CUX1: variants seen among roughly 807,000 people sequenced by gnomAD.
CUX1 encodes protein CASP.
Under a neutral mutation model 158.8 loss-of-function variants are expected in CUX1, and 31 were observed. The ratio of observed to expected loss-of-function variants is 0.20; its 90% CI spans 0.15 to 0.26. The LOEUF (loss-of-function observed/expected upper bound fraction) is 0.26, where lower values mean the gene tolerates loss of function less well. Ranked by LOEUF, CUX1 falls within the 10% of genes least tolerant of loss-of-function variation. The pLI, the probability that CUX1 is intolerant of heterozygous loss-of-function variation, is 1.00. For missense variants in CUX1, 1,589 were observed against 2,014.6 expected (o/e 0.79, Z 4.04); for synonymous variants, 879 against 862.1 (o/e 1.02, Z -0.34).
At chr7:102,243,064 A>C (rs1800391569) in intron 23 of CUX1, among the ~76,000 whole-genome samples, 1 of 152,190 alleles carries the variant, frequency 6.6e-6, no homozygotes. Flanking sequence ...ACTTGAGGCC[A>C]GGAGTTCGAG....
intron 20 of CUX1, among the ~76,000 whole-genome samples, chr7:102,220,874 C>G (rs1346292414): frequency 2.6e-5 from 4 of 152,130 alleles, no homozygotes; most frequent in African/African-American, 9.7e-5. Flanking sequence ...CCACACCTGG[C>G]TAATTTTTGT....
chr7:102,228,887 T>G (rs2132366774), intron 21 of CUX1, among the ~76,000 whole-genome samples: 1 of 152,194 alleles, frequency 6.6e-6, no homozygotes, highest in South Asian at 2.1e-4. Context: ...CCAGGATGGC[T>G]TAGTGGAAGG....
At chr7:102,273,277 A>G in intron 14 of CUX1, 1 of 1,527,120 alleles carries the variant, frequency 6.5e-7, no homozygotes, top group Non-Finnish European at 8.8e-7. Context: ...CCCTGCTTCC[A>G]GACCGTGGGT....
At chr7:102,168,139 A>G (rs1169798428) in intron 9 of CUX1, among the ~76,000 whole-genome samples, 1 of 151,876 alleles carries the variant, frequency 6.6e-6, no homozygotes, top group Non-Finnish European at 1.5e-5. Context: ...AATCACCTCT[A>G]CAGTCCTGGA....
At chr7:101,919,542 A>G (rs1804640322) in intron 2 of CUX1, among the ~76,000 whole-genome samples, 1 of 152,170 alleles carries the variant, frequency 6.6e-6, no homozygotes, top group South Asian at 2.1e-4. Flanking sequence ...CATACCTTCC[A>G]GGGCACAGCG....
At position 101,869,466 on chromosome 7, in the gene CUX1, G is replaced by A. The variant is rs1337305686; in HGVS notation, c.31-46649G>A. On this transcript the variant is annotated intron_variant, in intron 1 of 23. Coordinates refer to ENST00000292535, the MANE Select transcript of CUX1 (RefSeq NM_181552.4). This position sits in a 1 kb window ranked among gnomAD's most constrained non-coding sequence, Gnocchi z 4.5. ...CCTAATGCCTGGCATGTGCGTCAAC[G>A]CATCTCTGAGGATGGAATTTAAAGG... is the stretch of plus-strand genomic sequence containing the variant. Among the ~76,000 whole-genome samples the A allele has an allele frequency of 3.3e-5, 5 of 152,128 alleles. No homozygotes were observed. Among genetic ancestry groups the A allele is most frequent in the Non-Finnish European group, 5.9e-5 (4 of 68,030 alleles).
chr7:101,911,558 C>G (rs1432156937), intron 1 of CUX1, among the ~76,000 whole-genome samples: 4 of 151,604 alleles, frequency 2.6e-5, no homozygotes, highest in African/African-American at 9.7e-5. Context: ...CCTTGGCCCT[C>G]CAGTGGATGA....
chr7:102,175,731 C>T (rs1231583679), intron 10 of CUX1, among the ~76,000 whole-genome samples: 2 of 152,204 alleles, frequency 1.3e-5, no homozygotes, highest in Admixed American at 6.5e-5. Flanking sequence ...GGTCCTCCTA[C>T]CCTGGAGGGC....
intron 1 of CUX1, among the ~76,000 whole-genome samples, chr7:101,875,752 A>G (rs1468273368): frequency 6.6e-6 from 1 of 151,996 alleles, no homozygotes; most frequent in African/African-American, 2.4e-5. Flanking sequence ...TTCTACCTTT[A>G]GAGATTTCTT....
In CUX1 at chr7:102,025,241, A is replaced by G. The variant is rs779786512; in HGVS notation, c.142-2857A>G. Among the ~76,000 whole-genome samples the G allele has an allele frequency of 2.6e-5, 4 of 152,270 alleles. No individual in the cohort carries two copies. In the South Asian group the frequency reaches 8.3e-4, roughly 32 times the overall value. ...TGCAAAAGCCCCTTTTACCATTGCAATCTAACACATTCACAGGCGCCAGCT... is the reference window on the plus strand; with the variant it reads ...TGCAAAAGCCCCTTTTACCATTGCAGTCTAACACATTCACAGGCGCCAGCT... On this transcript the variant is annotated intron_variant, in intron 2 of 23. Coordinates refer to ENST00000292535, the MANE Select transcript of CUX1 (RefSeq NM_181552.4).
intron 1 of CUX1, among the ~76,000 whole-genome samples, chr7:101,904,993 C>A (rs75095715): frequency 0.077 from 11,701 of 152,208 alleles, 925 homozygotes; most frequent in East Asian, 0.43. Flanking sequence ...GTGACTTAAT[C>A]CTCATAGCAG....
chr7:101,943,765 G>T (rs1481524924), intron 2 of CUX1, among the ~76,000 whole-genome samples: 1 of 151,626 alleles, frequency 6.6e-6, no homozygotes, highest in African/African-American at 2.4e-5. Flanking sequence ...TCTAATATTG[G>T]TCTCTGCTGT....
intron 1 of CUX1, among the ~76,000 whole-genome samples, chr7:101,858,661 CTTTT>C (rs760652607): frequency 9.7e-6 from 1 of 103,318 alleles, no homozygotes; most frequent in South Asian, 3.1e-4. Context: ...ATGCGAATGC[CTTTT>C]TTTTTTTTTT....
Position 102,052,529 on chromosome 7 carries a change from A to G in CUX1, c.190-17810A>G, listed in dbSNP as rs560858712. ...GGATGTCCCATGTTTTATTTATCCA[A>G]TTATCAGCTGATGGCCATTTGGAGT... On this transcript the variant is annotated intron_variant, in intron 3 of 23. Coordinates refer to ENST00000292535, the MANE Select transcript of CUX1 (RefSeq NM_181552.4). Among the ~76,000 whole-genome samples the G allele has an allele frequency of 3.3e-5, 5 of 152,300 alleles. No homozygotes were observed. In the East Asian group the frequency reaches 9.6e-4, roughly 29 times the overall value.
intron 10 of CUX1, among the ~76,000 whole-genome samples, chr7:102,174,605 C>T (rs1041037810): frequency 1.9e-4 from 29 of 152,200 alleles, no homozygotes; most frequent in African/African-American, 6.8e-4. Context: ...GACAGCACAA[C>T]TGGGAGTGCC....
intron 3 of CUX1, among the ~76,000 whole-genome samples, chr7:102,056,106 A>G (rs1213309068): frequency 6.6e-6 from 1 of 152,234 alleles, no homozygotes; most frequent in Non-Finnish European, 1.5e-5. Context: ...GCGGAGGTTG[A>G]TTCATGATGT....
intron 2 of CUX1, among the ~76,000 whole-genome samples, chr7:102,017,562 T>C (rs1818775221): frequency 6.6e-6 from 1 of 152,170 alleles, no homozygotes; most frequent in Non-Finnish European, 1.5e-5. Context: ...AAATACAATA[T>C]GTGGGCCAGT....
Position 102,030,821 on chromosome 7 carries a change from C to A in CUX1, c.189+2676C>A, listed in dbSNP as rs778845269. On this transcript the variant is annotated intron_variant, in intron 3 of 23. Transcript: ENST00000292535. ...TGCCTTAGCACTCCCCTGCCCCCAC[C>A]GCCAGATAGCTGGGACTATACATGT... 3.3e-5 allele frequency among the ~76,000 whole-genome samples: 5 copies of A among 151,330 alleles called. 1 individual carries two copies. Among genetic ancestry groups the A allele is most frequent in the Admixed American group, 1.3e-4 (2 of 15,142 alleles).
chr7:101,962,058 C>A (rs546643292), intron 2 of CUX1, among the ~76,000 whole-genome samples: 1 of 152,074 alleles, frequency 6.6e-6, no homozygotes, highest in Admixed American at 6.6e-5. Context: ...GACTTGGAGT[C>A]GTATTTCTTT....
Sources: allele counts gnomAD v4.1 joint callset (sites outside exome capture counted in the v4.1 genomes callset), GRCh38; gene constraint gnomAD v4.1.1; non-coding constraint Gnocchi (gnomAD v3.1); transcripts MANE v1.5; gene names NCBI Gene and HGNC (gene_info 2026-07-23, HGNC 2026-07-21).